The following PKN2 variants were observed in gnomAD, a reference collection of about 807,000 sequenced individuals.
The protein encoded by PKN2 is protein kinase N2.
Under a neutral mutation model 119.1 loss-of-function variants are expected in PKN2, and 38 were observed. The observed-to-expected ratio is 0.32, with a 90% CI of 0.25 to 0.42. The LOEUF (loss-of-function observed/expected upper bound fraction) is 0.42, where lower values mean the gene tolerates loss of function less well. Among genes scored for constraint, PKN2 ranks in the 10% least tolerant of loss-of-function variants. PKN2 has a pLI of 1.00. For synonymous variants in PKN2, 390 were observed against 384.9 expected (o/e 1.01, Z -0.15); for missense variants, 850 against 1,165.1 (o/e 0.73, Z 3.94).
intron 6 of PKN2, among the ~76,000 whole-genome samples, chr1:88,775,645 T>C (rs1670062879): frequency 6.6e-6 from 1 of 152,222 alleles, no homozygotes; most frequent in Admixed American, 6.5e-5. Flanking sequence ...TATTATAATC[T>C]TATCTTTAGT....
chr1:88,808,274 T>C (rs1413781125), intron 15 of PKN2, among the ~76,000 whole-genome samples: 1 of 152,052 alleles, frequency 6.6e-6, no homozygotes, highest in African/African-American at 2.4e-5. Flanking sequence ...TAAGTTGTGG[T>C]ATCTTATACA....
intron 1 of PKN2, among the ~76,000 whole-genome samples, chr1:88,723,723 A>G (rs902145306): frequency 1.3e-5 from 2 of 152,084 alleles, no homozygotes; most frequent in African/African-American, 4.8e-5. Context: ...TTTCATTTCA[A>G]TGTACTTTTG....
intron 1 of PKN2, among the ~76,000 whole-genome samples, chr1:88,711,852 T>C (rs1667246233): frequency 6.6e-6 from 1 of 152,124 alleles, no homozygotes; most frequent in African/African-American, 2.4e-5. Flanking sequence ...TTTTCTTATA[T>C]TGTCCTCTAC....
chr1:88,699,877 G>A (rs978744799), intron 1 of PKN2, among the ~76,000 whole-genome samples: 3 of 151,894 alleles, frequency 2.0e-5, no homozygotes. Context: ...CTGCCTCCTG[G>A]GTTCAAGTGA....
intron 15 of PKN2, 147 bp downstream of exon 15, chr1:88,807,922 A>G: frequency 1.9e-6 from 1 of 532,728 alleles, no homozygotes; most frequent in Non-Finnish European, 3.3e-6. Context: ...CATAAGGTAG[A>G]CATTAGTTTT....
intron 1 of PKN2, among the ~76,000 whole-genome samples, chr1:88,738,299 A>C (rs891076162): frequency 1.3e-5 from 2 of 152,246 alleles, no homozygotes; most frequent in Admixed American, 6.5e-5. Context: ...ACAATATCAG[A>C]GCACACAGGA....
At chr1:88,774,359 A>T (rs1390761476) in intron 6 of PKN2, among the ~76,000 whole-genome samples, 1 of 152,194 alleles carries the variant, frequency 6.6e-6, no homozygotes, top group Non-Finnish European at 1.5e-5. Flanking sequence ...GGTCAGACTG[A>T]TAATGTGGCT....
At chr1:88,737,715 AT>A (rs1413254578) in intron 1 of PKN2, among the ~76,000 whole-genome samples, 1 of 152,136 alleles carries the variant, frequency 6.6e-6, no homozygotes, top group African/African-American at 2.4e-5. Context: ...GTTAAGGGGC[AT>A]GGGGTTCTGC....
At chr1:88,811,179 C>T (rs1198570532) in intron 15 of PKN2, among the ~76,000 whole-genome samples, 1 of 152,140 alleles carries the variant, frequency 6.6e-6, no homozygotes, top group Non-Finnish European at 1.5e-5. Flanking sequence ...TATGTTACTG[C>T]AATGCCTCCT....
intron 2 of PKN2, 38 bp from the exon 3 acceptor site, chr1:88,760,184 C>T (rs1570589351): frequency 4.3e-6 from 5 of 1,161,462 alleles, no homozygotes. Context: ...AGCAGCAATT[C>T]ATTCTAATAA....
At chr1:88,758,084 G>T (rs191247486) in intron 2 of PKN2, among the ~76,000 whole-genome samples, 2 of 148,048 alleles carry the variant, frequency 1.4e-5, no homozygotes, top group Admixed American at 6.7e-5. Context: ...AATAATAATG[G>T]ATTATCCGGA....
chr1:88,702,515 C>G (rs990659674), intron 1 of PKN2, among the ~76,000 whole-genome samples: 3 of 152,068 alleles, frequency 2.0e-5, no homozygotes, highest in African/African-American at 4.8e-5. Context: ...TGGTCAGCAG[C>G]TTGAGAAGGA....
chr1:88,753,753 G>GA (rs1247333342), intron 2 of PKN2, among the ~76,000 whole-genome samples: 1 of 151,048 alleles, frequency 6.6e-6, no homozygotes, highest in Non-Finnish European at 1.5e-5. Flanking sequence ...CCAAGGGGAT[G>GA]GTACTAAACC....
chr1:88,733,805 A>T (rs571190779), intron 1 of PKN2, among the ~76,000 whole-genome samples: 1 of 152,224 alleles, frequency 6.6e-6, no homozygotes, highest in African/African-American at 2.4e-5. Flanking sequence ...GTGGTTGAGC[A>T]TTCCAAATCA....
intron 19 of PKN2, among the ~76,000 whole-genome samples, chr1:88,829,940 G>A (rs935841987): frequency 6.6e-6 from 1 of 152,190 alleles, no homozygotes; most frequent in Admixed American, 6.5e-5. Flanking sequence ...CTTTTGGTAT[G>A]TCAATTTGAA....
chr1:88,732,853 T>A (rs1412729680), intron 1 of PKN2, among the ~76,000 whole-genome samples: 1 of 152,172 alleles, frequency 6.6e-6, no homozygotes, highest in Non-Finnish European at 1.5e-5. Flanking sequence ...TGAAATCTTG[T>A]CATTTCAGAC....
At chr1:88,829,323 T>TTTTTA in intron 19 of PKN2, 1 of 574,214 alleles carries the variant, frequency 1.7e-6, no homozygotes. Context: ...TCAAAAGTAT[T>TTTTTA]CGCTACACCA....
At chr1:88,690,461 G>A (rs1570478177) in intron 1 of PKN2, among the ~76,000 whole-genome samples, 1 of 152,228 alleles carries the variant, frequency 6.6e-6, no homozygotes, top group Non-Finnish European at 1.5e-5. Flanking sequence ...TTACTCTACA[G>A]TATATGACAT....
At chr1:88,730,160 GTC>G (rs1211273761) in intron 1 of PKN2, among the ~76,000 whole-genome samples, 3 of 149,918 alleles carry the variant, frequency 2.0e-5, no homozygotes, top group Non-Finnish European at 4.4e-5. Flanking sequence ...ACGAGACTCC[GTC>G]TCAAAAAAAA....
Sources: gnomAD v4.1 joint callset for allele counts (sites outside exome capture counted in the v4.1 genomes callset) on GRCh38, gnomAD v4.1.1 for gene constraint, MANE v1.5 for transcripts, NCBI Gene and HGNC (gene_info 2026-07-23, HGNC 2026-07-21) for gene names.